Variants in FTCDNL1 observed in about 807,000 individuals in gnomAD.
FTCDNL1 encodes the protein formiminotransferase N-terminal subdomain-containing protein.
Under a neutral mutation model 5.9 loss-of-function variants are expected in FTCDNL1, and 11 were observed. The observed-to-expected ratio is 1.87, with a 90% CI of 1.18 to 3.10. The LOEUF is 3.10. Ranked by LOEUF, FTCDNL1 falls within the 30% of genes most tolerant of loss-of-function variation. FTCDNL1 has a pLI of 0.00. For missense variants in FTCDNL1, 115 were observed against 65.5 expected, an observed-to-expected ratio of 1.76 and a Z score of -2.61; for synonymous variants, 58 against 24.8, an observed-to-expected ratio of 2.34 and a Z score of -3.99.
chr2:199,678,663 C>G, the FTCDNL1 span, among the ~76,000 whole-genome samples: 1 of 151,532 alleles, frequency 6.6e-6, no homozygotes, highest in African/African-American at 2.4e-5. Flanking sequence ...AAAAAAACAA[C>G]CTTAGAATTG....
intron 3 of FTCDNL1, among the ~76,000 whole-genome samples, chr2:199,768,287 G>A (rs1217646886): frequency 7.0e-6 from 1 of 143,062 alleles, no homozygotes; most frequent in East Asian, 2.2e-4. Context: ...TTAATATGAG[G>A]TTCTTATGCT....
chr2:199,816,935 G>T (rs558324656), intron 4 of FTCDNL1, among the ~76,000 whole-genome samples: 44 of 152,348 alleles, frequency 2.9e-4, no homozygotes, highest in African/African-American at 1.0e-3. Flanking sequence ...TTTGAGGACA[G>T]ATAAGTTCTA....
chr2:199,827,792 C>A (rs1041278248), intron 3 of FTCDNL1, among the ~76,000 whole-genome samples: 7 of 152,156 alleles, frequency 4.6e-5, no homozygotes, highest in African/African-American at 1.7e-4. Flanking sequence ...TTCCCTTTTG[C>A]AAGCCTAAGC....
chr2:199,769,358 C>G (rs1048935397), intron 3 of FTCDNL1, among the ~76,000 whole-genome samples: 10 of 152,116 alleles, frequency 6.6e-5, no homozygotes, highest in Non-Finnish European at 1.0e-4. Context: ...TTCTACTAGT[C>G]AATAAGTCTC....
chr2:199,682,075 A>G, the FTCDNL1 span, among the ~76,000 whole-genome samples: 1 of 152,168 alleles, frequency 6.6e-6, no homozygotes. Context: ...GCTGGGCCAC[A>G]TTACCCAGAA....
At chr2:199,676,711 G>A in the FTCDNL1 span, among the ~76,000 whole-genome samples, 1 of 152,120 alleles carries the variant, frequency 6.6e-6, no homozygotes, top group African/African-American at 2.4e-5. Flanking sequence ...TGGATATCCT[G>A]ACTTATGTTC....
chr2:199,686,892 C>A, the FTCDNL1 span, among the ~76,000 whole-genome samples: 1 of 152,140 alleles, frequency 6.6e-6, no homozygotes, highest in African/African-American at 2.4e-5. Context: ...ATTTGGAGAG[C>A]AATATATGGC....
At chr2:199,838,014 A>C (rs1702874889) in intron 3 of FTCDNL1, among the ~76,000 whole-genome samples, 1 of 152,204 alleles carries the variant, frequency 6.6e-6, no homozygotes, top group Non-Finnish European at 1.5e-5. Flanking sequence ...TTGCCTAAGA[A>C]TCTTCTGCGC....
chr2:199,762,277 G>A (rs1698309644), intron 3 of FTCDNL1, among the ~76,000 whole-genome samples: 1 of 152,154 alleles, frequency 6.6e-6, no homozygotes, highest in African/African-American at 2.4e-5. Flanking sequence ...TACTCAGGAG[G>A]CTGAGGCAGG....
chr2:199,776,272 G>GTTGGTT (rs1699065397), intron 3 of FTCDNL1, among the ~76,000 whole-genome samples: 1 of 152,146 alleles, frequency 6.6e-6, no homozygotes. Flanking sequence ...GGCCATATCT[G>GTTGGTT]TCATATAATG....
At chr2:199,680,899 C>T in the FTCDNL1 span, among the ~76,000 whole-genome samples, 31 of 152,258 alleles carry the variant, frequency 2.0e-4, no homozygotes, top group Non-Finnish European at 3.7e-4. Flanking sequence ...GTATCTTGTT[C>T]TCACCTGCTC....
At chr2:199,707,459 G>A in the FTCDNL1 span, among the ~76,000 whole-genome samples, 21 of 151,790 alleles carry the variant, frequency 1.4e-4, no homozygotes, top group African/African-American at 4.4e-4. Flanking sequence ...ATTTATTATC[G>A]TAAAGTTGGG....
At chr2:199,804,994 C>T (rs1396580895), downstream of FTCDNL1, among the ~76,000 whole-genome samples, 1 of 152,170 alleles carries the variant, frequency 6.6e-6, no homozygotes, top group Non-Finnish European at 1.5e-5. Context: ...AGAGCTGGGG[C>T]TCAGGCGTCT....
chr2:199,814,426 T>C (rs1256268730), intron 4 of FTCDNL1, among the ~76,000 whole-genome samples: 2 of 152,232 alleles, frequency 1.3e-5, no homozygotes, highest in African/African-American at 2.4e-5. Flanking sequence ...TTCTGTAAAA[T>C]GGTTATGACG....
At chr2:199,820,989 T>C (rs931564984) in intron 3 of FTCDNL1, among the ~76,000 whole-genome samples, 2 of 152,308 alleles carry the variant, frequency 1.3e-5, no homozygotes, top group Admixed American at 1.3e-4. Context: ...ACAATAAGCA[T>C]AGGAGACCTT....
intron 3 of FTCDNL1, among the ~76,000 whole-genome samples, chr2:199,826,789 G>A (rs1440225915): frequency 5.9e-5 from 9 of 152,080 alleles, no homozygotes; most frequent in South Asian, 2.1e-4. Flanking sequence ...GCAAGACTCC[G>A]TCTCAAAAAA....
At chr2:199,695,472 T>TA in the FTCDNL1 span, among the ~76,000 whole-genome samples, 1 of 152,168 alleles carries the variant, frequency 6.6e-6, no homozygotes, top group Non-Finnish European at 1.5e-5. Flanking sequence ...GAAAATATTG[T>TA]AAAATATCTC....
the FTCDNL1 span, among the ~76,000 whole-genome samples, chr2:199,706,730 G>A: frequency 1.3e-5 from 2 of 152,268 alleles, no homozygotes; most frequent in East Asian, 1.9e-4. Context: ...ACAGCTGCAC[G>A]ACTCACAGCT....
downstream of FTCDNL1, among the ~76,000 whole-genome samples, chr2:199,805,740 A>AAAAAT (rs776611454): frequency 1.3e-5 from 2 of 152,022 alleles, no homozygotes; most frequent in African/African-American, 2.4e-5. Context: ...CTCTGTCTCA[A>AAAAAT]AAAATAAAAT....
Sources: gnomAD v4.1 joint callset for allele counts (sites outside exome capture counted in the v4.1 genomes callset) on GRCh38, gnomAD v4.1.1 for gene constraint, MANE v1.5 for transcripts, NCBI Gene and HGNC (gene_info 2026-07-23, HGNC 2026-07-21) for gene names.